Variants in MAL observed in about 807,000 individuals in gnomAD.
MAL encodes mal, T cell differentiation protein (MAL blood group), also known as myelin and lymphocyte protein.
In MAL, 5 loss-of-function variants were observed where a neutral mutation model predicts 16.7. The ratio of observed to expected loss-of-function variants is 0.30; its 90% CI spans 0.16 to 0.63. MAL has a LOEUF of 0.63. Ranked by LOEUF, MAL falls within the 30% of genes least tolerant of loss-of-function variation. The pLI is 0.82. For synonymous variants in MAL, 96 were observed against 85.5 expected, an observed-to-expected ratio of 1.12 and a Z score of -0.67; for missense variants, 202 against 195.8, an observed-to-expected ratio of 1.03 and a Z score of -0.19.
At chr2:95,028,899 G>T (rs1057066171) in intron 1 of MAL, among the ~76,000 whole-genome samples, 1 of 152,158 alleles carries the variant, frequency 6.6e-6, no homozygotes, top group African/African-American at 2.4e-5. Context: ...CAGGGACCAA[G>T]GGGAGCAATT....
At chr2:95,035,859 C>A (rs1481531896) in intron 1 of MAL, among the ~76,000 whole-genome samples, 3 of 151,930 alleles carry the variant, frequency 2.0e-5, no homozygotes, top group Non-Finnish European at 4.4e-5. Context: ...TTAGTAGAGA[C>A]GGGGTTTCAC....
chr2:95,053,251 T>C, intron 3 of MAL, 130 bp from the exon 4 acceptor site: 2 of 716,710 alleles, frequency 2.8e-6, no homozygotes, highest in East Asian at 2.5e-5. Context: ...CATGTGAGGG[T>C]GAGAAGCAAT....
Position 95,025,843 on chromosome 2 carries a change from G to A in MAL, c.51G>A (p.Ser17=), listed in dbSNP as rs569573663. ...GCAGCACCCTGCCCAGTGGCTTCTCGGTCTTCACCACCTTGCCCGACTTGC... is the reference window on the plus strand; with the variant it reads ...GCAGCACCCTGCCCAGTGGCTTCTCAGTCTTCACCACCTTGCCCGACTTGC... The part of the protein sequence containing the change: ...TGGSTLPSGF[S]VFTTLPDLLF... Residue 17 remains serine (S), a synonymous_variant, in exon 1 of 4, where the codon TCG becomes TCA. Coordinates refer to ENST00000309988, the MANE Select transcript of MAL (RefSeq NM_002371.4). The surrounding 1 kb of genome is among the most constrained non-coding windows in gnomAD (Gnocchi z 5.6). 7.0e-6 allele frequency: 11 copies of A among 1,578,624 alleles called. No individual in the cohort carries two copies. The highest frequency in any genetic ancestry group is 2.4e-5 in the East Asian group (1 of 42,206).
intron 3 of MAL, 96 bp downstream of exon 3, chr2:95,049,802 T>G: frequency 2.0e-6 from 3 of 1,524,002 alleles, no homozygotes; most frequent in Non-Finnish European, 2.7e-6. Flanking sequence ...CTGTTTTCAG[T>G]TCACTAACTT....
chr2:95,046,957 GAA>G (rs934852517), intron 1 of MAL, among the ~76,000 whole-genome samples: 1 of 140,800 alleles, frequency 7.1e-6, no homozygotes, highest in Admixed American at 7.3e-5. Flanking sequence ...AGAGAAAAAA[GAA>G]AGAAAGAAAG....
intron 1 of MAL, among the ~76,000 whole-genome samples, chr2:95,043,128 T>C (rs1167207982): frequency 6.6e-6 from 1 of 152,248 alleles, no homozygotes; most frequent in Non-Finnish European, 1.5e-5. Flanking sequence ...GCATGTGCCC[T>C]TTCTGCCCTC....
intron 1 of MAL, among the ~76,000 whole-genome samples, chr2:95,046,242 A>T (rs1003713281): frequency 2.0e-5 from 3 of 152,108 alleles, no homozygotes; most frequent in Non-Finnish European, 4.4e-5. Context: ...ACCACAGGGG[A>T]CATAGGCCTG....
intron 1 of MAL, among the ~76,000 whole-genome samples, chr2:95,035,891 A>C (rs905823207): frequency 6.6e-6 from 1 of 151,980 alleles, no homozygotes; most frequent in Non-Finnish European, 1.5e-5. Flanking sequence ...GGATAGTCTC[A>C]ATCTCCTGAC....
intron 1 of MAL, among the ~76,000 whole-genome samples, chr2:95,036,382 T>C (rs1449683516): frequency 6.6e-6 from 1 of 152,202 alleles, no homozygotes; most frequent in Admixed American, 6.5e-5. Flanking sequence ...TGACGTTTGG[T>C]ATCTGGTCAC....
chr2:95,025,834 T>C lies in MAL; in HGVS notation c.42T>C (p.Ser14=). Residue 14 remains serine (S), a synonymous_variant, in exon 1 of 4, where the codon AGT becomes AGC. Coordinates refer to ENST00000309988, the MANE Select transcript of MAL (RefSeq NM_002371.4). The surrounding 1 kb of genome is among the most constrained non-coding windows in gnomAD (Gnocchi z 5.6). ...CGACGGGGGGCAGCACCCTGCCCAGTGGCTTCTCGGTCTTCACCACCTTGC... is the reference window on the plus strand; with the variant it reads ...CGACGGGGGGCAGCACCCTGCCCAGCGGCTTCTCGGTCTTCACCACCTTGC... ...AAATGGSTLP[S]GFSVFTTLPD... is the part of the protein sequence containing the mutation. 6.3e-7 allele frequency: 1 copy of C among 1,578,494 alleles called. No homozygotes were observed. The highest frequency in any genetic ancestry group is 8.6e-7 in the Non-Finnish European group (1 of 1,163,020).
At chr2:95,027,374 G>A (rs1673968688) in intron 1 of MAL, among the ~76,000 whole-genome samples, 2 of 152,180 alleles carry the variant, frequency 1.3e-5, no homozygotes, top group Admixed American at 1.3e-4. Context: ...CCTGCCGGTA[G>A]CGGGGCTTCC....
intron 1 of MAL, among the ~76,000 whole-genome samples, chr2:95,038,524 GTGACTGAGTGAGTGACTGAGTGAC>G (rs1674322390): frequency 1.3e-5 from 2 of 151,058 alleles, no homozygotes; most frequent in African/African-American, 2.4e-5. Flanking sequence ...GGGTGAGTGA[GTGACTGAGTGAGTGACTGAGTGAC>G]TGAGTGAGTG....
rs1316822265 is a variant in MAL, at chr2:95,046,967, AAG to A, written c.94-990_94-989del. Among the ~76,000 whole-genome samples the A allele has an allele frequency of 3.3e-5, 5 of 151,412 alleles. No individual in the cohort carries two copies. The East Asian group carries it at 9.7e-4, about 29-fold the overall frequency. Reference sequence around the variant, plus strand: ...AAGAAAGAGAAAAAAGAAAGAAAGAAAGAAGAAAGAAAGAAAGAAAAAGAAGG... The same window carrying A: ...AAGAAAGAGAAAAAAGAAAGAAAGAAAAGAAAGAAAGAAAGAAAAAGAAGG... On this transcript the variant is annotated intron_variant, in intron 1 of 3. Coordinates refer to ENST00000309988, the MANE Select transcript of MAL (RefSeq NM_002371.4).
At chr2:95,051,753 T>A (rs1233848089) in intron 3 of MAL, 3 of 151,920 alleles carry the variant, frequency 2.0e-5, no homozygotes, top group Admixed American at 6.6e-5. Context: ...AGAACCAGAG[T>A]GTTCTCAGCT....
intron 3 of MAL, among the ~76,000 whole-genome samples, chr2:95,052,121 C>T (rs1284788130): frequency 1.3e-5 from 2 of 152,198 alleles, no homozygotes; most frequent in Non-Finnish European, 2.9e-5. Context: ...TGGAAGTCGC[C>T]TGGGGCGAGA....
chr2:95,031,010 T>C lies in MAL; in HGVS notation c.93+5125T>C, dbSNP rs530323323. Among the ~76,000 whole-genome samples, 202 of 152,214 alleles carry C rather than the reference T, an allele frequency of 1.3e-3. No individual in the cohort carries two copies. The South Asian group carries it at 0.025, about 19-fold the overall frequency. On this transcript the variant is annotated intron_variant, in intron 1 of 3. Transcript: ENST00000309988. ...CATGGGCCAGCGAGGCAGTTTCGCA[T>C]TAGGTGGTCCAAGCTGTGGCTGCAC...
In MAL at chr2:95,048,144, TG is replaced by T; in HGVS notation, c.261+20del. 1.2e-6 allele frequency: 2 copies of T among 1,600,356 alleles called. No individual in the cohort carries two copies. Among genetic ancestry groups the T allele is most frequent in the Non-Finnish European group, 8.6e-7 (1 of 1,167,748 alleles). ...TCACCTTGGTGAGTCCAGCCCAGGGTGGCTGCTGGTTGTAGGGGGGCGCAGG... is the reference window on the plus strand; with the variant it reads ...TCACCTTGGTGAGTCCAGCCCAGGGTGCTGCTGGTTGTAGGGGGGCGCAGG... On this transcript the variant is annotated intron_variant, in intron 2 of 3. Coordinates refer to ENST00000309988, the MANE Select transcript of MAL (RefSeq NM_002371.4).
At chr2:95,027,149 G>A (rs538704638) in intron 1 of MAL, among the ~76,000 whole-genome samples, 1 of 152,246 alleles carries the variant, frequency 6.6e-6, no homozygotes, top group East Asian at 1.9e-4. Context: ...TTTACAGAGA[G>A]CCAGCCCCCC....
chr2:95,047,967 GGGCCTGGTGTGGATCCTGGT>G lies in MAL; in HGVS notation c.108_127del (p.Val37LeufsTer81). On this transcript the variant is annotated frameshift_variant, in exon 2 of 4. Transcript: ENST00000309988. LOFTEE classifies it high-confidence loss of function. ...CTCCTCCTCCCCCGCAGATCTTCGGGGGCCTGGTGTGGATCCTGGTGGCCTCCTCCCTGGTGCCCTGGCCC... is the reference window on the plus strand; with the variant it reads ...CTCCTCCTCCCCCGCAGATCTTCGGGGGCCTCCTCCCTGGTGCCCTGGCCC... 6.2e-7 allele frequency: 1 copy of G among 1,613,448 alleles called. No individual in the cohort carries two copies. Among genetic ancestry groups the G allele is most frequent in the Non-Finnish European group, 8.5e-7 (1 of 1,179,650 alleles).
Sources: gnomAD v4.1 joint callset for allele counts (sites outside exome capture counted in the v4.1 genomes callset) on GRCh38, gnomAD v4.1.1 for gene constraint, Gnocchi (gnomAD v3.1) non-coding constraint, MANE v1.5 for transcripts, NCBI Gene and HGNC (gene_info 2026-07-23, HGNC 2026-07-21) for gene names.